TULP4: variants seen among roughly 807,000 people sequenced by gnomAD.
TULP4 encodes TUB like protein 4, also known as tubby-related protein 4.
Under a neutral mutation model 129.0 loss-of-function variants are expected in TULP4, and 16 were observed. That is an observed-to-expected ratio of 0.12 (90% CI 0.08 to 0.19). TULP4 has a LOEUF of 0.19. TULP4 is among the 10% of genes least tolerant of loss of function. The pLI is 1.00. For synonymous variants in TULP4, 998 were observed against 854.0 expected (o/e 1.17, Z -2.94); for missense variants, 1,842 against 2,059.1 (o/e 0.89, Z 2.04).
intron 12 of TULP4, among the ~76,000 whole-genome samples, chr6:158,500,008 A>AT (rs144832908): frequency 0.019 from 2,903 of 152,266 alleles, 84 homozygotes; most frequent in African/African-American, 0.066. Context: ...GAAGCCTCCC[A>AT]TACCTGAGCT....
At chr6:158,402,017 G>A (rs1251764541) in intron 1 of TULP4, among the ~76,000 whole-genome samples, 1 of 152,010 alleles carries the variant, frequency 6.6e-6, no homozygotes. Flanking sequence ...ACAAAACTTC[G>A]GTGTATATTT....
At chr6:158,333,334 G>T (rs534127988) in intron 1 of TULP4, among the ~76,000 whole-genome samples, 1 of 152,182 alleles carries the variant, frequency 6.6e-6, no homozygotes, top group East Asian at 1.9e-4. Context: ...GAGCTTGCGC[G>T]AAGAAGAGGT....
At position 158,374,411 on chromosome 6, in the gene TULP4, A is replaced by C. The variant is rs538528260; in HGVS notation, c.253-38654A>C. On this transcript the variant is annotated intron_variant, in intron 1 of 13. Coordinates refer to ENST00000367097, the MANE Select transcript of TULP4 (RefSeq NM_020245.5). Reference sequence around the variant, plus strand: ...TTATTGGTTTTCCAAAATGGGAAGAAATTGGGGAAGAGTTTGAAACTCTGA... The same window carrying C: ...TTATTGGTTTTCCAAAATGGGAAGACATTGGGGAAGAGTTTGAAACTCTGA... Among the ~76,000 whole-genome samples, 3 of 152,274 alleles carry C rather than the reference A, an allele frequency of 2.0e-5. No individual in the cohort carries two copies. The South Asian group carries it at 6.2e-4, about 32-fold the overall frequency.
In TULP4 at chr6:158,392,949, C is replaced by G. The variant is rs1265906269; in HGVS notation, c.253-20116C>G. 1.4e-5 allele frequency among the ~76,000 whole-genome samples: 2 copies of G among 147,972 alleles called. 1 individual carries two copies. Among genetic ancestry groups the G allele is most frequent in the South Asian group, 4.4e-4 (2 of 4,562 alleles). ...CTGAATAGCTAGGATTACAGGCACT[C>G]CAGCCTGGGTGACAGAGTGAGACTC... On this transcript the variant is annotated intron_variant, in intron 1 of 13. Coordinates refer to ENST00000367097, the MANE Select transcript of TULP4 (RefSeq NM_020245.5).
upstream of TULP4, among the ~76,000 whole-genome samples, chr6:158,279,007 T>C (rs1222889107): frequency 1.4e-5 from 2 of 147,878 alleles, no homozygotes; most frequent in African/African-American, 5.0e-5. Context: ...TGGCGTGATC[T>C]CGGCTCACTG....
chr6:158,441,805 C>T (rs1037382563), intron 3 of TULP4, among the ~76,000 whole-genome samples: 12 of 152,154 alleles, frequency 7.9e-5, no homozygotes, highest in African/African-American at 2.9e-4. Flanking sequence ...ACACTGGCAC[C>T]GTTTCTAACA....
At chr6:158,326,946 A>G (rs1263388013) in intron 1 of TULP4, among the ~76,000 whole-genome samples, 1 of 152,228 alleles carries the variant, frequency 6.6e-6, no homozygotes, top group African/African-American at 2.4e-5. Flanking sequence ...ATTATACACA[A>G]AATCAACGTT....
At chr6:158,348,984 T>C (rs11751821) in intron 1 of TULP4, among the ~76,000 whole-genome samples, 12 of 78,962 alleles carry the variant, frequency 1.5e-4, no homozygotes, top group South Asian at 9.3e-4. Flanking sequence ...ATTTCCCAGA[T>C]GGGGCAGCCG....
chr6:158,353,194 T>C (rs1562531865), intron 1 of TULP4, among the ~76,000 whole-genome samples: 2 of 152,250 alleles, frequency 1.3e-5, no homozygotes, highest in Admixed American at 6.5e-5. Context: ...TCCCTGCCTC[T>C]ATGTGGCTCT....
At chr6:158,456,334 A>ATGTTGG (rs1779291347) in intron 5 of TULP4, among the ~76,000 whole-genome samples, 1 of 152,242 alleles carries the variant, frequency 6.6e-6, no homozygotes, top group South Asian at 2.1e-4. Flanking sequence ...GGCCACATGC[A>ATGTTGG]GCCCAGGACA....
At chr6:158,444,043 C>G (rs891891300) in intron 3 of TULP4, among the ~76,000 whole-genome samples, 1 of 151,230 alleles carries the variant, frequency 6.6e-6, no homozygotes, top group African/African-American at 2.4e-5. Flanking sequence ...CACGGTGAAA[C>G]CCCGTCTCTA....
chr6:158,310,950 G>A (rs1779336214), upstream of TULP4, among the ~76,000 whole-genome samples: 1 of 152,120 alleles, frequency 6.6e-6, no homozygotes, highest in South Asian at 2.1e-4. Flanking sequence ...GTTCTTAAGT[G>A]AGGCTGGCTT....
In TULP4 at chr6:158,461,712, C is replaced by T. The variant is rs1188711935; in HGVS notation, c.1009C>T (p.Leu337=). The T allele has an allele frequency of 1.2e-6, 2 of 1,614,038 alleles. No individual in the cohort carries two copies. The highest frequency in any genetic ancestry group is 2.7e-5 in the African/African-American group (2 of 74,924). Residue 337 remains leucine, a synonymous_variant, in exon 6 of 14, where the codon CTG becomes TTG. Transcript: ENST00000367097. ...TGTTCGTGGGGAGCACATCTTCACA[C>T]TGGACACTCTCGTGCAGGTAAGGAT... ...YNVRGEHIFT[L]DTLVQRPIIS...
chr6:158,344,115 C>G (rs1262900386), intron 1 of TULP4, among the ~76,000 whole-genome samples: 1 of 152,190 alleles, frequency 6.6e-6, no homozygotes, highest in East Asian at 1.9e-4. Context: ...TAAGAATGTT[C>G]TTTGTAATTC....
At chr6:158,490,789 CT>C (rs74809679) in intron 9 of TULP4, among the ~76,000 whole-genome samples, 169 of 142,632 alleles carry the variant, frequency 1.2e-3, no homozygotes, top group Admixed American at 1.2e-3. Flanking sequence ...GTATCTGGCT[CT>C]TTTTTTTTTT....
At chr6:158,264,037 TG>T (rs1256071377) in intron 1 of TULP4, among the ~76,000 whole-genome samples, 1 of 152,064 alleles carries the variant, frequency 6.6e-6, no homozygotes, top group Non-Finnish European at 1.5e-5. Flanking sequence ...CACTCCAGCC[TG>T]GGGGATAGAG....
intron 1 of TULP4, among the ~76,000 whole-genome samples, chr6:158,272,630 G>T (rs1316787459): frequency 6.6e-6 from 1 of 152,214 alleles, no homozygotes; most frequent in African/African-American, 2.4e-5. Flanking sequence ...CCATTTTACA[G>T]TTGGGGAAAC....
At chr6:158,297,244 G>T (rs906475305) in intron 1 of TULP4, among the ~76,000 whole-genome samples, 12 of 152,146 alleles carry the variant, frequency 7.9e-5, no homozygotes, top group African/African-American at 2.9e-4. Context: ...TCCATTTATA[G>T]GCTCTCTGCA....
intron 2 of TULP4, 67 bp from the exon 3 acceptor site, chr6:158,429,669 C>T (rs1778585056): frequency 6.5e-7 from 1 of 1,533,752 alleles, no homozygotes; most frequent in Non-Finnish European, 8.9e-7. Flanking sequence ...ATGACTATGT[C>T]TAGACTTTGA....
Sources: gnomAD v4.1 joint callset for allele counts (sites outside exome capture counted in the v4.1 genomes callset) on GRCh38, gnomAD v4.1.1 for gene constraint, MANE v1.5 for transcripts, NCBI Gene and HGNC (gene_info 2026-07-23, HGNC 2026-07-21) for gene names.